Variants in CERK observed in about 807,000 individuals in gnomAD.
CERK encodes acylsphingosine kinase.
A neutral mutation model predicts 63.4 loss-of-function variants in CERK; 39 were observed. The ratio of observed to expected loss-of-function variants is 0.61; its 90% CI spans 0.48 to 0.80. The LOEUF is 0.80. Ranked by LOEUF, CERK falls within the 30% of genes least tolerant of loss-of-function variation. The pLI is 0.00. For synonymous variants in CERK, 302 were observed against 280.0 expected (o/e 1.08, Z -0.78); for missense variants, 670 against 714.1 (o/e 0.94, Z 0.70).
At chr22:46,732,000 G>C (rs913361383) in intron 1 of CERK, among the ~76,000 whole-genome samples, 1 of 152,214 alleles carries the variant, frequency 6.6e-6, no homozygotes. Context: ...AGGAGGGGTC[G>C]GGAGGGGAAG....
chr22:46,733,036 A>G (rs2082953363), intron 1 of CERK, among the ~76,000 whole-genome samples: 1 of 151,518 alleles, frequency 6.6e-6, no homozygotes, highest in African/African-American at 2.4e-5. Context: ...GTGAAACCCC[A>G]TCTCTTCTAA....
At chr22:46,736,040 C>T (rs577730820) in intron 1 of CERK, among the ~76,000 whole-genome samples, 3 of 152,330 alleles carry the variant, frequency 2.0e-5, no homozygotes, top group African/African-American at 7.2e-5. Flanking sequence ...CAGCCAGGGC[C>T]CCACCATCCA....
chr22:46,731,606 G>A (rs1006124012), intron 1 of CERK, among the ~76,000 whole-genome samples: 2 of 152,236 alleles, frequency 1.3e-5, no homozygotes, highest in Non-Finnish European at 2.9e-5. Context: ...AAGGAGGGCT[G>A]GGCCTTGGTG....
chr22:46,715,383 G>A (rs2082861473), intron 3 of CERK, among the ~76,000 whole-genome samples: 1 of 152,194 alleles, frequency 6.6e-6, no homozygotes, highest in Admixed American at 6.5e-5. Flanking sequence ...CATAAGTGAA[G>A]TTTGCAAGGT....
At chr22:46,737,846 C>T (rs1294080735) in intron 1 of CERK, among the ~76,000 whole-genome samples, 161 bp downstream of exon 1, 8 of 152,034 alleles carry the variant, frequency 5.3e-5, no homozygotes, top group Non-Finnish European at 7.4e-5. Flanking sequence ...CCCCGGCCTC[C>T]CTCCCGCCTG....
intron 3 of CERK, among the ~76,000 whole-genome samples, chr22:46,717,082 C>A (rs2082870407): frequency 2.6e-5 from 4 of 152,084 alleles, no homozygotes. Flanking sequence ...TGTTTCTCAA[C>A]CTCATTAACC....
In CERK at chr22:46,705,972, A is replaced by C. The variant is rs60378938; in HGVS notation, c.715+1871T>G. On this transcript the variant is annotated intron_variant, in intron 6 of 12. Coordinates refer to ENST00000216264, the MANE Select transcript of CERK (RefSeq NM_022766.6). ...GGATCACTTGAGCCTGGGGCAGTCT[A>C]GGCTGCAGTGAGCCACGATCATGCC... Among the ~76,000 whole-genome samples, 942 of 152,332 alleles carry C rather than the reference A, an allele frequency of 6.2e-3. 11 individuals carry two copies. The highest frequency in any genetic ancestry group is 0.022 in the African/African-American group (904 of 41,584).
chr22:46,694,674 C>T (rs2082747385), intron 9 of CERK, among the ~76,000 whole-genome samples: 1 of 152,144 alleles, frequency 6.6e-6, no homozygotes. Flanking sequence ...CGTGGCTGGC[C>T]TGGGCTCTGC....
chr22:46,720,168 C>A lies in CERK; in HGVS notation c.297G>T (p.Trp99Cys). Residue 99 changes from tryptophan to cysteine, a missense_variant, in exon 3 of 13, where the codon TGG becomes TGT. Trp to Cys is a radical substitution (Grantham distance 215, BLOSUM62 -2). Transcript: ENST00000216264. Reference protein sequence around the residue: ...VKRARRHRWKWAQVTFWCPEE... With the variant: ...VKRARRHRWKCAQVTFWCPEE... ...CTGGACACCAGAAAGTCACCTGCGC[C>A]CACTTCCAGCGGTGCCGTCGTGCTC... The A allele has an allele frequency of 6.2e-7, 1 of 1,614,090 alleles. No homozygotes were observed. Among genetic ancestry groups the A allele is most frequent in the South Asian group, 1.1e-5 (1 of 91,076 alleles).
intron 3 of CERK, among the ~76,000 whole-genome samples, chr22:46,713,420 A>G (rs1430331196): frequency 6.7e-6 from 1 of 149,502 alleles, no homozygotes; most frequent in East Asian, 2.1e-4. Flanking sequence ...GAGGCAGGAG[A>G]ATGGCATGAA....
intron 1 of CERK, among the ~76,000 whole-genome samples, chr22:46,726,395 G>A (rs1226529628): frequency 2.0e-5 from 3 of 152,152 alleles, no homozygotes; most frequent in African/African-American, 7.2e-5. Context: ...GTACAGTGTG[G>A]AAGTCTGTGG....
At position 46,724,775 on chromosome 22, in the gene CERK, T is replaced by C. The variant is rs146901548; in HGVS notation, c.143-3760A>G. The stretch of plus-strand genomic sequence containing the variant: ...TGGCTCACACCTGTAATCCCTGCAC[T>C]TTGGGAGGCTAAGGTGGGCGGATCA... On this transcript the variant is annotated intron_variant, in intron 1 of 12. Transcript: ENST00000216264. Among the ~76,000 whole-genome samples, 104 of 152,244 alleles carry C rather than the reference T, an allele frequency of 6.8e-4. 1 individual carries two copies. In the East Asian group the frequency reaches 0.016, roughly 23 times the overall value.
In CERK at chr22:46,738,142, C is replaced by G. The variant is rs773538392; in HGVS notation, c.7G>C (p.Ala3Pro). The change falls in exon 1 of 13, where the codon GCG (alanine) becomes CCG (proline). Residue 3 changes from alanine to proline, a missense_variant. Transcript: ENST00000216264. Reference protein sequence around the residue: MGATGAAEPLQSV... With the variant: MGPTGAAEPLQSV... ...TGCAGCGGCTCCGCCGCCCCCGTCG[C>G]CCCCATCTCCGCCGCCGGGCTCGTC... 2.5e-6 allele frequency: 3 copies of G among 1,202,468 alleles called. No individual in the cohort carries two copies. The highest frequency in any genetic ancestry group is 3.1e-6 in the Non-Finnish European group (3 of 967,526). 74.5% of individuals were successfully genotyped at this position (1,202,468 alleles called of 1,614,324 possible). A position where few individuals can be genotyped will look rare whatever the true frequency, so the allele number is the denominator to read the frequency against.
intron 1 of CERK, among the ~76,000 whole-genome samples, chr22:46,724,445 C>T (rs117348423): frequency 0.034 from 5,152 of 152,216 alleles, 121 homozygotes; most frequent in Non-Finnish European, 0.051. Context: ...GCACTGGGTG[C>T]GGCTCAGGAC....
chr22:46,733,649 C>T (rs2082957291), intron 1 of CERK, among the ~76,000 whole-genome samples: 1 of 151,848 alleles, frequency 6.6e-6, no homozygotes, highest in South Asian at 2.1e-4. Flanking sequence ...AAAATTATTT[C>T]GTCAAATAAT....
At chr22:46,721,797 A>G (rs2082894042) in intron 1 of CERK, among the ~76,000 whole-genome samples, 1 of 152,126 alleles carries the variant, frequency 6.6e-6, no homozygotes, top group Non-Finnish European at 1.5e-5. Flanking sequence ...GGGGGAGGAG[A>G]CAGGGGAGAC....
intron 1 of CERK, among the ~76,000 whole-genome samples, chr22:46,725,242 G>T (rs9627547): frequency 0.03 from 4,508 of 149,560 alleles, 224 homozygotes; most frequent in African/African-American, 0.11. Context: ...CTAATTAGGA[G>T]ATAAAGAACC....
intron 1 of CERK, among the ~76,000 whole-genome samples, chr22:46,732,014 G>T (rs946318182): frequency 2.6e-5 from 4 of 152,232 alleles, no homozygotes; most frequent in African/African-American, 9.6e-5. Flanking sequence ...GGGGAAGACC[G>T]GGGCCAGCTG....
intron 2 of CERK, among the ~76,000 whole-genome samples, 199 bp downstream of exon 2, chr22:46,720,699 AAAAT>A (rs1449918124): frequency 6.6e-6 from 1 of 152,204 alleles, no homozygotes; most frequent in African/African-American, 2.4e-5. Context: ...CTGTCTCAAA[AAAAT>A]AAATAAATAA....
Sources: allele counts gnomAD v4.1 joint callset (sites outside exome capture counted in the v4.1 genomes callset), GRCh38; gene constraint gnomAD v4.1.1; transcripts MANE v1.5; gene names NCBI Gene and HGNC (gene_info 2026-07-23, HGNC 2026-07-21).